FAM98B: variants seen among roughly 807,000 people sequenced by gnomAD.
FAM98B encodes the protein tRNA-splicing ligase complex subunit FAM98B.
FAM98B carries 32 observed loss-of-function variants against 43.9 expected under a neutral mutation model. The observed-to-expected ratio is 0.73, with a 90% CI of 0.55 to 0.98. The LOEUF (loss-of-function observed/expected upper bound fraction) is 0.98. Ranked by LOEUF, FAM98B falls within the 50% of genes least tolerant of loss-of-function variation. The pLI, the probability that FAM98B is intolerant of heterozygous loss-of-function variation, is 0.00. For synonymous variants in FAM98B, 190 were observed against 174.0 expected (o/e 1.09, Z -0.72); for missense variants, 514 against 522.9 (o/e 0.98, Z 0.17).
chr15:38,458,729 C>T, intron 1 of FAM98B: 1 of 323,064 alleles, frequency 3.1e-6, no homozygotes, highest in South Asian at 3.0e-5. Flanking sequence ...CTGGGATGAC[C>T]ACTGCTTGGA....
intron 1 of FAM98B, among the ~76,000 whole-genome samples, chr15:38,457,696 A>G (rs1385788540): frequency 6.6e-6 from 1 of 152,170 alleles, no homozygotes; most frequent in Non-Finnish European, 1.5e-5. Context: ...AATGGCAAGA[A>G]TAGAGGTGGA....
intron 3 of FAM98B, among the ~76,000 whole-genome samples, chr15:38,465,958 G>C (rs1002668641): frequency 3.3e-5 from 5 of 151,890 alleles, no homozygotes; most frequent in African/African-American, 1.2e-4. Context: ...ATAAATAGTA[G>C]GTCCATGTTT....
intron 1 of FAM98B, among the ~76,000 whole-genome samples, chr15:38,458,023 C>G (rs1239652231): frequency 6.7e-6 from 1 of 148,644 alleles, no homozygotes; most frequent in East Asian, 2.0e-4. Context: ...GTAATCTGTT[C>G]TCTTCCAGGG....
intron 3 of FAM98B, among the ~76,000 whole-genome samples, chr15:38,467,684 A>G (rs1014546073): frequency 6.6e-6 from 1 of 152,188 alleles, no homozygotes; most frequent in African/African-American, 2.4e-5. Context: ...TATTTCCCCA[A>G]GTGTACAAAG....
intron 3 of FAM98B, among the ~76,000 whole-genome samples, chr15:38,468,554 G>A (rs1049914488): frequency 7.2e-5 from 11 of 152,176 alleles, no homozygotes; most frequent in African/African-American, 2.7e-4. Context: ...AAGGACCTTA[G>A]TATAGTCCTC....
At chr15:38,461,657 ACTTACCCTTCAT>A (rs1889948141) in intron 1 of FAM98B, among the ~76,000 whole-genome samples, 1 of 152,144 alleles carries the variant, frequency 6.6e-6, no homozygotes, top group African/African-American at 2.4e-5. Context: ...AAATACTTGT[ACTTACCCTTCAT>A]CTGATATAAC....
intron 5 of FAM98B, among the ~76,000 whole-genome samples, chr15:38,473,862 G>A (rs1437244970): frequency 6.6e-6 from 1 of 152,160 alleles, no homozygotes. Context: ...TGAGTTATTG[G>A]TATTTTCTTT....
chr15:38,460,664 C>T (rs74996408), intron 1 of FAM98B, among the ~76,000 whole-genome samples: 5,101 of 152,278 alleles, frequency 0.033, 121 homozygotes, highest in Middle Eastern at 0.051. Flanking sequence ...TATACTTAGA[C>T]ACTTCTATTG....
intron 1 of FAM98B, 125 bp downstream of exon 1, chr15:38,454,357 G>C: frequency 3.2e-6 from 3 of 944,330 alleles, no homozygotes; most frequent in Non-Finnish European, 4.9e-6. Flanking sequence ...TCCCTGCCTC[G>C]ATCCCTCCGG....
intron 5 of FAM98B, 72 bp from the exon 6 acceptor site, chr15:38,474,110 A>G (rs1890162727): frequency 8.7e-7 from 1 of 1,155,954 alleles, no homozygotes; most frequent in Admixed American, 1.8e-5. Flanking sequence ...TACTTAGCAC[A>G]ATTTTCAGAT....
At chr15:38,477,076 T>C (rs986783063) in intron 6 of FAM98B, among the ~76,000 whole-genome samples, 1 of 151,664 alleles carries the variant, frequency 6.6e-6, no homozygotes, top group African/African-American at 2.4e-5. Context: ...GCTGGGAGGA[T>C]TACTTGAGGC....
chr15:38,465,413 C>A lies in FAM98B; in HGVS notation c.352+10C>A. The A allele has an allele frequency of 6.4e-7, 1 of 1,570,800 alleles. No homozygotes were observed. Among genetic ancestry groups the A allele is most frequent in the Non-Finnish European group, 8.6e-7 (1 of 1,161,844 alleles). ...TGTTTGAAACTTCTATGTAAGTTAT[C>A]TTGAACATTTAAATGCATGTGTTTG... On this transcript the variant is annotated intron_variant, in intron 3 of 7. Transcript: ENST00000397609.
At chr15:38,470,033 C>T (rs973254714) in intron 3 of FAM98B, among the ~76,000 whole-genome samples, 194 bp from the exon 4 acceptor site, 1 of 151,996 alleles carries the variant, frequency 6.6e-6, no homozygotes, top group East Asian at 1.9e-4. Flanking sequence ...TTTAAAAAAA[C>T]GTAACACTTG....
intron 3 of FAM98B, 136 bp downstream of exon 3, chr15:38,465,539 C>G: frequency 1.3e-6 from 1 of 791,948 alleles, no homozygotes; most frequent in East Asian, 3.1e-5. Context: ...ACAAAGCTAT[C>G]TCAGAAATGT....
chr15:38,468,589 T>C (rs1890075990), intron 3 of FAM98B, among the ~76,000 whole-genome samples: 1 of 152,158 alleles, frequency 6.6e-6, no homozygotes, highest in African/African-American at 2.4e-5. Context: ...ATATTGGTCT[T>C]AAAGTTTAAT....
rs1890153307 is a variant in FAM98B, at chr15:38,473,393, A to T, written c.532-112A>T. 1.3e-5 allele frequency: 9 copies of T among 697,584 alleles called. 1 individual carries two copies. In the South Asian group the frequency reaches 2.1e-4, roughly 16 times the overall value. The allele number at this position is 697,584 out of a possible 1,614,324, so 43.2% of individuals were successfully genotyped here. A position where few individuals can be genotyped will look rare whatever the true frequency, so the allele number is the denominator to read the frequency against. On this transcript the variant is annotated intron_variant, in intron 4 of 7. Transcript: ENST00000397609. ...TGGTATATGATGGTATATTTTAATT[A>T]TGTCACTTTAATATTTTATTCTGTA...
At chr15:38,477,186 G>C (rs938858462) in intron 6 of FAM98B, among the ~76,000 whole-genome samples, 6 of 124,952 alleles carry the variant, frequency 4.8e-5, no homozygotes, top group Admixed American at 1.6e-4. Flanking sequence ...AACTACAGTC[G>C]TTATTAGGGA....
In FAM98B at chr15:38,480,572, A is replaced by G. The variant is rs144702903; in HGVS notation, c.730-720A>G. Reference sequence around the variant, plus strand: ...TTGGGGAAACTAACTTAAGCTTTCTATGCCTCATTTTTTTTTTCCATCTGC... The same window carrying G: ...TTGGGGAAACTAACTTAAGCTTTCTGTGCCTCATTTTTTTTTTCCATCTGC... On this transcript the variant is annotated intron_variant, in intron 6 of 7. Transcript: ENST00000397609. Among the ~76,000 whole-genome samples the G allele has an allele frequency of 8.2e-4, 116 of 140,794 alleles. 1 individual carries two copies. The highest frequency in any genetic ancestry group is 2.7e-3 in the African/African-American group (109 of 40,640). 92.4% of individuals were successfully genotyped at this position (140,794 alleles called of 152,430 possible). A position where few individuals can be genotyped will look rare whatever the true frequency, so the allele number is the denominator to read the frequency against.
At chr15:38,475,053 A>G (rs1300327685) in intron 6 of FAM98B, among the ~76,000 whole-genome samples, 1 of 149,446 alleles carries the variant, frequency 6.7e-6, no homozygotes, top group East Asian at 1.9e-4. Flanking sequence ...TGAAAGTGGA[A>G]TTTCAGGTAT....
Sources: gnomAD v4.1 joint callset for allele counts (sites outside exome capture counted in the v4.1 genomes callset) on GRCh38, gnomAD v4.1.1 for gene constraint, MANE v1.5 for transcripts, NCBI Gene and HGNC (gene_info 2026-07-23, HGNC 2026-07-21) for gene names.